Variants in SLC17A1 observed in about 807,000 individuals in gnomAD.
SLC17A1 encodes the protein sodium-dependent phosphate transport protein 1.
A neutral mutation model predicts 53.5 loss-of-function variants in SLC17A1; 51 were observed. The ratio of observed to expected loss-of-function variants is 0.95; its 90% CI spans 0.76 to 1.20. SLC17A1 has a LOEUF of 1.20. Ranked by LOEUF, SLC17A1 falls within the 50% of genes most tolerant of loss-of-function variation. The probability of loss-of-function intolerance (pLI) is 0.00; values close to 1 mark genes in which losing one functional copy is unlikely to be tolerated. For missense variants in SLC17A1, 538 were observed against 568.2 expected, an observed-to-expected ratio of 0.95 and a Z score of 0.54; for synonymous variants, 179 against 198.8, an observed-to-expected ratio of 0.90 and a Z score of 0.84.
chr6:25,801,608 G>T (rs187149875), intron 10 of SLC17A1, among the ~76,000 whole-genome samples: 5 of 152,218 alleles, frequency 3.3e-5, no homozygotes, highest in Admixed American at 3.3e-4. Flanking sequence ...TCACTCCAGG[G>T]CTGGGAGTCC....
At chr6:25,726,950 G>A in the SLC17A1 span, 16 of 1,613,852 alleles carry the variant, frequency 9.9e-6, no homozygotes, top group Non-Finnish European at 1.3e-5. Context: ...TTTCCAAGAA[G>A]GGCTTTAAGA....
At chr6:25,726,113 T>C in the SLC17A1 span, 12 of 1,506,270 alleles carry the variant, frequency 8.0e-6, no homozygotes, top group Non-Finnish European at 9.8e-6. Context: ...GAAGTCTTTT[T>C]ACCAATGACA....
At chr6:25,728,630 T>C in the SLC17A1 span, among the ~76,000 whole-genome samples, 1 of 152,102 alleles carries the variant, frequency 6.6e-6, no homozygotes, top group Non-Finnish European at 1.5e-5. Context: ...CTGGCTAACA[T>C]GGTGAAACCC....
At chr6:25,811,325 C>T in intron 10 of SLC17A1, 73 bp downstream of exon 10, 1 of 1,441,222 alleles carries the variant, frequency 6.9e-7, no homozygotes, top group Non-Finnish European at 9.4e-7. Context: ...TTTAAATCAT[C>T]ATGTTGTGCA....
At chr6:25,726,262 C>A in the SLC17A1 span, 1 of 1,614,034 alleles carries the variant, frequency 6.2e-7, no homozygotes, top group South Asian at 1.1e-5. Context: ...CTCATCATTG[C>A]GGATCGCTAG....
downstream of SLC17A1, chr6:25,777,983 C>G: frequency 6.2e-7 from 1 of 1,612,934 alleles, no homozygotes. Context: ...CTGGAGCCAT[C>G]TCTCCTACTG....
chr6:25,785,195 A>T (rs995478715), intron 12 of SLC17A1, among the ~76,000 whole-genome samples: 1 of 152,176 alleles, frequency 6.6e-6, no homozygotes, highest in African/African-American at 2.4e-5. Context: ...AAGTTTAACA[A>T]AAAGAGTACA....
At chr6:25,726,905 A>G in the SLC17A1 span, 2 of 1,609,486 alleles carry the variant, frequency 1.2e-6, no homozygotes, top group Middle Eastern at 1.7e-4. Context: ...AGTGTGTGGT[A>G]GCTATGCCGG....
chr6:25,726,145 G>T, the SLC17A1 span: 1 of 1,544,692 alleles, frequency 6.5e-7, no homozygotes, highest in Non-Finnish European at 8.7e-7. Flanking sequence ...CTTGCTTTGG[G>T]CTTTATGGTG....
chr6:25,732,259 A>G, the SLC17A1 span, among the ~76,000 whole-genome samples: 1 of 152,226 alleles, frequency 6.6e-6, no homozygotes, highest in Non-Finnish European at 1.5e-5. Context: ...CGTCATTTGC[A>G]TCCAACATCT....
the SLC17A1 span, among the ~76,000 whole-genome samples, chr6:25,742,993 A>G: frequency 1.3e-5 from 2 of 152,196 alleles, no homozygotes; most frequent in African/African-American, 4.8e-5. Context: ...AATATAAAAA[A>G]TTGGAAATAA....
the SLC17A1 span, among the ~76,000 whole-genome samples, chr6:25,755,312 T>C: frequency 1.3e-5 from 2 of 152,170 alleles, no homozygotes; most frequent in African/African-American, 4.8e-5. Flanking sequence ...AAATGAAATC[T>C]AATATGGCTT....
Position 25,828,435 on chromosome 6 carries a change from T to A in SLC17A1, c.35-1802A>T, listed in dbSNP as rs75730045. ...AATATTAATATCATAAATAAATAGA[T>A]TTTTTATATCTATTGAGATAATCAT... On this transcript the variant is annotated intron_variant, in intron 2 of 12. Transcript: ENST00000244527. 7.7e-3 allele frequency among the ~76,000 whole-genome samples: 1,171 copies of A among 152,150 alleles called. 25 individuals are homozygous for A. The highest frequency in any genetic ancestry group is 0.063 in the East Asian group (327 of 5,188).
chr6:25,752,909 G>A, the SLC17A1 span, among the ~76,000 whole-genome samples: 2 of 151,254 alleles, frequency 1.3e-5, no homozygotes, highest in Admixed American at 6.6e-5. Flanking sequence ...CCGAGATCAC[G>A]CCACTGCAGT....
chr6:25,725,824 C>T, the SLC17A1 span, among the ~76,000 whole-genome samples: 712 of 152,236 alleles, frequency 4.7e-3, 3 homozygotes, highest in African/African-American at 0.017. Context: ...GCTTGAACGA[C>T]CCTCCCGCTC....
chr6:25,756,231 C>T, the SLC17A1 span, among the ~76,000 whole-genome samples: 1 of 152,146 alleles, frequency 6.6e-6, no homozygotes, highest in Non-Finnish European at 1.5e-5. Context: ...TTAACCTCCT[C>T]ATTCACTCTG....
intron 11 of SLC17A1, 40 bp from the exon 12 acceptor site, chr6:25,798,959 C>T: frequency 6.6e-7 from 1 of 1,515,640 alleles, no homozygotes; most frequent in Non-Finnish European, 8.9e-7. Context: ...AATTATTGCT[C>T]TTGTTTTTTT....
At chr6:25,814,709 C>T (rs1248528715) in intron 6 of SLC17A1, among the ~76,000 whole-genome samples, 2 of 152,146 alleles carry the variant, frequency 1.3e-5, no homozygotes, top group Non-Finnish European at 2.9e-5. Flanking sequence ...ATGGGCTGGG[C>T]ATGGTGGCTC....
chr6:25,725,303 G>T, the SLC17A1 span, among the ~76,000 whole-genome samples: 30 of 152,144 alleles, frequency 2.0e-4, no homozygotes, highest in East Asian at 5.4e-3. Context: ...ATGGCGTAAG[G>T]CTTCTTTTTG....
Sources: gnomAD v4.1 joint callset for allele counts (sites outside exome capture counted in the v4.1 genomes callset) on GRCh38, gnomAD v4.1.1 for gene constraint, MANE v1.5 for transcripts, NCBI Gene and HGNC (gene_info 2026-07-23, HGNC 2026-07-21) for gene names.